Variants in PDE8B observed in about 807,000 individuals in gnomAD.
The protein encoded by PDE8B is high affinity cAMP-specific and IBMX-insensitive 3',5'-cyclic phosphodiesterase 8B.
Under a neutral mutation model 101.3 loss-of-function variants are expected in PDE8B, and 26 were observed. That is an observed-to-expected ratio of 0.26 (90% CI 0.19 to 0.36). The LOEUF is 0.36. Ranked by LOEUF, PDE8B falls within the 10% of genes least tolerant of loss-of-function variation. The pLI, the probability that PDE8B is intolerant of heterozygous loss-of-function variation, is 1.00. For synonymous variants in PDE8B, 424 were observed against 429.3 expected (o/e 0.99, Z 0.15); for missense variants, 810 against 1,163.1 (o/e 0.70, Z 4.42).
chr5:77,407,507 G>T (rs1438941412), intron 13 of PDE8B, 50 bp downstream of exon 13: 1 of 1,325,236 alleles, frequency 7.5e-7, no homozygotes, highest in Non-Finnish European at 1.1e-6. Context: ...CCTCACACAG[G>T]GCCGTGCTCT....
At chr5:77,326,613 A>G (rs1776104501) in intron 3 of PDE8B, among the ~76,000 whole-genome samples, 1 of 152,206 alleles carries the variant, frequency 6.6e-6, no homozygotes, top group Non-Finnish European at 1.5e-5. Context: ...ATATGTTTTA[A>G]TGGCTTCAAA....
intron 10 of PDE8B, among the ~76,000 whole-genome samples, chr5:77,386,359 G>A (rs1030609370): frequency 6.6e-6 from 1 of 152,106 alleles, no homozygotes; most frequent in Non-Finnish European, 1.5e-5. Flanking sequence ...GTTGATCTGT[G>A]TAATATTGAC....
chr5:77,369,248 T>C (rs1256133240), intron 10 of PDE8B, among the ~76,000 whole-genome samples: 1 of 147,752 alleles, frequency 6.8e-6, no homozygotes, highest in African/African-American at 2.5e-5. Flanking sequence ...ATAAGAGATG[T>C]TTTGATCAAA....
the PDE8B span, among the ~76,000 whole-genome samples, chr5:77,093,306 T>C: frequency 7.8e-4 from 119 of 152,316 alleles, 1 homozygote; most frequent in African/African-American, 2.8e-3. Flanking sequence ...TGAGTCAGTT[T>C]TGGTAGTTTG....
At chr5:77,241,364 A>C (rs945546967) in intron 1 of PDE8B, among the ~76,000 whole-genome samples, 6 of 152,256 alleles carry the variant, frequency 3.9e-5, no homozygotes, top group African/African-American at 1.4e-4. Flanking sequence ...TATTGAGAGA[A>C]GAATGATAAG....
intron 1 of PDE8B, among the ~76,000 whole-genome samples, chr5:77,285,538 T>C: frequency 6.6e-6 from 1 of 152,218 alleles, no homozygotes; most frequent in East Asian, 1.9e-4. Context: ...CTTTTGTCTT[T>C]GGCTTTCAGC....
rs757221831 is a variant in PDE8B, at chr5:77,425,782, A to C, written c.2434A>C (p.Arg812=). The C allele has an allele frequency of 4.3e-6, 7 of 1,613,872 alleles. No homozygotes were observed. The highest frequency in any genetic ancestry group is 2.2e-5 in the East Asian group (1 of 44,876). ...EYFAQTDEEK[R]QGLPVVMPVF... ...TTTCTTACAGACTGATGAAGAGAAG[A>C]GACAGGGACTACCTGTGGTGATGCC... is the stretch of plus-strand genomic sequence containing the variant. Residue 812 remains arginine, a synonymous_variant, in exon 21 of 22, where the codon AGA becomes CGA. Transcript: ENST00000264917.
At chr5:77,196,604 G>A in the PDE8B span, among the ~76,000 whole-genome samples, 1 of 152,112 alleles carries the variant, frequency 6.6e-6, no homozygotes, top group Non-Finnish European at 1.5e-5. Flanking sequence ...TTGTGTTAAA[G>A]ATTTTTGTGT....
intron 1 of PDE8B, among the ~76,000 whole-genome samples, chr5:77,297,357 C>T (rs1310505364): frequency 2.0e-5 from 3 of 152,164 alleles, no homozygotes; most frequent in African/African-American, 7.2e-5. Flanking sequence ...AGACACTCAT[C>T]ATCTTTTGTC....
chr5:77,264,519 C>A (rs1478741528), intron 1 of PDE8B, among the ~76,000 whole-genome samples: 1 of 152,050 alleles, frequency 6.6e-6, no homozygotes, highest in Non-Finnish European at 1.5e-5. Context: ...AACCAGTAAT[C>A]AAATATCCTG....
At chr5:77,296,116 TG>T (rs1382245724) in intron 1 of PDE8B, among the ~76,000 whole-genome samples, 3 of 152,150 alleles carry the variant, frequency 2.0e-5, no homozygotes, top group Admixed American at 2.0e-4. Context: ...TGCTTAGTTA[TG>T]GTTACCTGTC....
intron 1 of PDE8B, among the ~76,000 whole-genome samples, chr5:77,239,979 G>C (rs1483041922): frequency 6.6e-6 from 1 of 151,846 alleles, no homozygotes; most frequent in Non-Finnish European, 1.5e-5. Flanking sequence ...GTCTCTCCAA[G>C]TGCATCTAAG....
At chr5:77,131,335 A>G in the PDE8B span, 1 of 152,194 alleles carries the variant, frequency 6.6e-6, no homozygotes, top group African/African-American at 2.4e-5. Context: ...CTGTTCCTCA[A>G]AACACCACCA....
chr5:77,195,987 T>C, the PDE8B span, among the ~76,000 whole-genome samples: 1 of 152,194 alleles, frequency 6.6e-6, no homozygotes, highest in Non-Finnish European at 1.5e-5. Context: ...TTTCAATTCA[T>C]TGGAGTTTTG....
At chr5:77,390,314 AG>A (rs1319691845) in intron 10 of PDE8B, among the ~76,000 whole-genome samples, 1 of 152,216 alleles carries the variant, frequency 6.6e-6, no homozygotes, top group African/African-American at 2.4e-5. Flanking sequence ...GAAGTAATTA[AG>A]GGTTTGAAAT....
chr5:77,142,870 T>G, the PDE8B span, among the ~76,000 whole-genome samples: 5 of 152,140 alleles, frequency 3.3e-5, no homozygotes, highest in African/African-American at 1.2e-4. Flanking sequence ...TTGCTCAGAA[T>G]TTACTCAATG....
rs199853068 is a variant in PDE8B at position 77,259,083 on chromosome 5, CCA to C, written c.339+47831_339+47832del. 1.6e-3 allele frequency among the ~76,000 whole-genome samples: 144 copies of C among 90,038 alleles called. 16 individuals are homozygous for C. The highest frequency in any genetic ancestry group is 6.4e-3 in the African/African-American group (138 of 21,626). The allele number at this position is 90,038 out of a possible 152,430, so 59.1% of individuals were successfully genotyped here. A position where few individuals can be genotyped will look rare whatever the true frequency, so the allele number is the denominator to read the frequency against. ...ACACACACACACCCCCGCCCCCCCC[CCA>C]CACACACACACGAATGTTTCTGCCT... On this transcript the variant is annotated intron_variant, in intron 1 of 21. Transcript: ENST00000264917.
intron 17 of PDE8B, among the ~76,000 whole-genome samples, chr5:77,415,311 G>T (rs1170569532): frequency 6.7e-6 from 1 of 148,336 alleles, no homozygotes; most frequent in African/African-American, 2.5e-5. Flanking sequence ...TACTTCTCTT[G>T]TGTCATCTGT....
chr5:77,311,933 AG>A, intron 1 of PDE8B, 60 bp from the exon 2 acceptor site: 1 of 1,287,304 alleles, frequency 7.8e-7, no homozygotes, highest in Non-Finnish European at 1.1e-6. Flanking sequence ...TGCGTAAGGA[AG>A]GATGTATCCA....
Sources: allele counts gnomAD v4.1 joint callset (sites outside exome capture counted in the v4.1 genomes callset), GRCh38; gene constraint gnomAD v4.1.1; transcripts MANE v1.5; gene names NCBI Gene and HGNC (gene_info 2026-07-23, HGNC 2026-07-21).